The following C10orf71 variants were observed in gnomAD, a reference collection of about 807,000 sequenced individuals.
C10orf71 encodes the protein chromosome 10 open reading frame 71.
For missense variants in C10orf71, 1,869 were observed against 1,804.5 expected, an observed-to-expected ratio of 1.04 and a Z score of -0.65; for synonymous variants, 758 against 726.3, an observed-to-expected ratio of 1.04 and a Z score of -0.70.
chr10:49,323,012 A>G lies in C10orf71; in HGVS notation c.467A>G (p.Gln156Arg). ...LIKSFDRTES[Q>R]RCESRPTASK... ...AAATCTTTCGACAGGACCGAGAGCC[A>G]ACGTTGTGAGAGCAGGCCCACTGCC... Residue 156 changes from glutamine to arginine, a missense_variant, in exon 3 of 3, where the codon CAA becomes CGA. Gln to Arg is a conservative substitution (Grantham distance 43, BLOSUM62 1). Coordinates refer to ENST00000374144, the MANE Select transcript of C10orf71 (RefSeq NM_001135196.2). 1.9e-6 allele frequency: 3 copies of G among 1,614,026 alleles called. No individual in the cohort carries two copies. The highest frequency in any genetic ancestry group is 2.7e-5 in the African/African-American group (2 of 75,040).
At chr10:49,312,619 G>C (rs1040910198) in intron 1 of C10orf71, among the ~76,000 whole-genome samples, 1 of 152,222 alleles carries the variant, frequency 6.6e-6, no homozygotes, top group Non-Finnish European at 1.5e-5. Context: ...CAGTGTGAGA[G>C]ACCAACTGGG....
chr10:49,307,152 A>T (rs1311037630), intron 1 of C10orf71, among the ~76,000 whole-genome samples: 1 of 152,234 alleles, frequency 6.6e-6, no homozygotes, highest in African/African-American at 2.4e-5. Flanking sequence ...TTTACCTGTG[A>T]TGCCAGCATG....
At chr10:49,311,875 T>C (rs914155069) in intron 1 of C10orf71, among the ~76,000 whole-genome samples, 4 of 152,120 alleles carry the variant, frequency 2.6e-5, no homozygotes, top group Non-Finnish European at 4.4e-5. Flanking sequence ...AGGGTCTGCA[T>C]AGGCATTTGT....
chr10:49,323,937 A>G lies in C10orf71; in HGVS notation c.1392A>G (p.Pro464=), dbSNP rs1849156113. The change falls in exon 3 of 3, where the codon CCA becomes CCG. Residue 464 remains proline (P), a synonymous_variant. Transcript: ENST00000374144. ...KHALDSADSQ[P]AERTPSPPGQ... ...CCCTGGATTCAGCAGACAGCCAGCC[A>G]GCAGAGCGAACCCCATCACCCCCAG... 6.2e-7 allele frequency: 1 copy of G among 1,613,684 alleles called. No individual in the cohort carries two copies. Among genetic ancestry groups the G allele is most frequent in the African/African-American group, 1.3e-5 (1 of 74,860 alleles).
Position 49,326,280 on chromosome 10 carries a change from C to T in C10orf71, c.3735C>T (p.His1245=). 6.5e-7 allele frequency: 1 copy of T among 1,550,208 alleles called. No homozygotes were observed. The highest frequency in any genetic ancestry group is 8.7e-7 in the Non-Finnish European group (1 of 1,146,746). ...VRSLPPPVHR[H]SVSGFSEPVG... is the part of the protein sequence containing the mutation. Reference sequence around the variant, plus strand: ...CCCTGCCCCCTCCCGTGCACCGCCACTCCGTGTCCGGCTTCTCGGAGCCTG... The same window carrying T: ...CCCTGCCCCCTCCCGTGCACCGCCATTCCGTGTCCGGCTTCTCGGAGCCTG... The change falls in exon 3 of 3, where the codon CAC becomes CAT. Residue 1245 remains histidine (H), a synonymous_variant. Transcript: ENST00000374144.
chr10:49,327,136 C>A lies in C10orf71; in HGVS notation c.*283C>A. The A allele has an allele frequency of 9.7e-7, 1 of 1,031,794 alleles. No individual in the cohort carries two copies. The highest frequency in any genetic ancestry group is 1.3e-6 in the Non-Finnish European group (1 of 751,660). 63.9% of individuals were successfully genotyped at this position (1,031,794 alleles called of 1,614,324 possible). ...AGGCGCACTCTACTCCAGCCCTTCT[C>A]CCTCCCTCCCTTCCTCCCTCTCCTG... is the stretch of plus-strand genomic sequence containing the variant. On this transcript the variant is annotated 3_prime_UTR_variant, in exon 3 of 3. Coordinates refer to ENST00000374144, the MANE Select transcript of C10orf71 (RefSeq NM_001135196.2).
chr10:49,313,802 G>A (rs1222024540), intron 1 of C10orf71, among the ~76,000 whole-genome samples: 1 of 152,226 alleles, frequency 6.6e-6, no homozygotes, highest in Non-Finnish European at 1.5e-5. Context: ...CATGTGGGTT[G>A]GAAGGGCTGT....
intron 1 of C10orf71, among the ~76,000 whole-genome samples, chr10:49,308,762 A>G (rs1848860797): frequency 6.6e-6 from 1 of 152,258 alleles, no homozygotes; most frequent in African/African-American, 2.4e-5. Flanking sequence ...GGATCAATAC[A>G]TAAATAAGCT....
At chr10:49,313,695 G>GGGA (rs1047214000) in intron 1 of C10orf71, among the ~76,000 whole-genome samples, 9 of 152,104 alleles carry the variant, frequency 5.9e-5, no homozygotes, top group South Asian at 2.1e-4. Context: ...GAAAGGCACT[G>GGGA]GGAGGAGGAG....
At position 49,323,887 on chromosome 10, in the gene C10orf71, AC is replaced by A. The variant is rs771945151; in HGVS notation, c.1347del (p.Ile450SerfsTer26). Reference protein sequence around the residue: ...DPPFNISKLLTPIIPSKHALD... With the variant: ...DPPFNISKLLXPIIPSKHALD... Reference sequence around the variant, plus strand: ...CCCCTTTAACATCAGTAAGCTCCTGACCCCCATCATACCCAGCAAGCACGCC... The same window carrying A: ...CCCCTTTAACATCAGTAAGCTCCTGACCCCATCATACCCAGCAAGCACGCC... On this transcript the variant is annotated frameshift_variant, in exon 3 of 3. Coordinates refer to ENST00000374144, the MANE Select transcript of C10orf71 (RefSeq NM_001135196.2). LOFTEE classifies it low-confidence loss of function (END_TRUNC). The A allele has an allele frequency of 6.2e-7, 1 of 1,612,616 alleles. No individual in the cohort carries two copies. Among genetic ancestry groups the A allele is most frequent in the Non-Finnish European group, 8.5e-7 (1 of 1,179,564 alleles).
At chr10:49,315,276 G>A (rs957597049) in intron 1 of C10orf71, among the ~76,000 whole-genome samples, 1 of 152,172 alleles carries the variant, frequency 6.6e-6, no homozygotes, top group African/African-American at 2.4e-5. Context: ...AGCTGGGAAA[G>A]GTCTTATGGA....
At position 49,310,896 on chromosome 10, in the gene C10orf71, G is replaced by A. The variant is rs556106979; in HGVS notation, c.-247-5249G>A. On this transcript the variant is annotated intron_variant, in intron 1 of 2. Coordinates refer to ENST00000374144, the MANE Select transcript of C10orf71 (RefSeq NM_001135196.2). ...AATGAATAATTTTGTTAGTATGAGT[G>A]TATCCCACATATTGCGTGGGATACA... Among the ~76,000 whole-genome samples, 3 of 152,198 alleles carry A rather than the reference G, an allele frequency of 2.0e-5. No individual in the cohort carries two copies. The South Asian group carries it at 6.2e-4, about 32-fold the overall frequency.
chr10:49,322,833 G>T lies in C10orf71; in HGVS notation c.288G>T (p.Ala96=). 1 of 1,613,910 alleles carries T rather than the reference G, an allele frequency of 6.2e-7. No homozygotes were observed. The highest frequency in any genetic ancestry group is 1.1e-5 in the South Asian group (1 of 91,078). Residue 96 remains alanine (A), a synonymous_variant, in exon 3 of 3, where the codon GCG becomes GCT. Transcript: ENST00000374144. The stretch of plus-strand genomic sequence containing the variant: ...AGGGCACGGAACATTCGGGCTGGGC[G>T]GCCACCTTCCAACAGCTACCCAAGT... The part of the protein sequence containing the change: ...PSQGTEHSGW[A]ATFQQLPKYV...
At chr10:49,304,892 C>T (rs1848787443) in intron 1 of C10orf71, among the ~76,000 whole-genome samples, 1 of 152,260 alleles carries the variant, frequency 6.6e-6, no homozygotes, top group African/African-American at 2.4e-5. Flanking sequence ...TCACCACCCA[C>T]TTCCTGATCC....
At position 49,325,393 on chromosome 10, in the gene C10orf71, T is replaced by C; in HGVS notation, c.2848T>C (p.Ser950Pro). The C allele has an allele frequency of 1.9e-6, 3 of 1,550,824 alleles. No homozygotes were observed. Among genetic ancestry groups the C allele is most frequent in the Non-Finnish European group, 2.6e-6 (3 of 1,146,352 alleles). The change falls in exon 3 of 3, where the codon TCT becomes CCT. Residue 950 changes from serine (S) to proline (P), a missense_variant. Coordinates refer to ENST00000374144, the MANE Select transcript of C10orf71 (RefSeq NM_001135196.2). ...QGSSMARMEA[S>P]QPAPKGNFPS... ...GTCGAGCATGGCCAGGATGGAGGCCTCTCAGCCAGCCCCAAAGGGGAATTT... is the reference window on the plus strand; with the variant it reads ...GTCGAGCATGGCCAGGATGGAGGCCCCTCAGCCAGCCCCAAAGGGGAATTT...
In C10orf71 at chr10:49,324,359, A is replaced by T. The variant is rs369990332; in HGVS notation, c.1814A>T (p.Asn605Ile). ...ATCGCCAAAGCCCCCTTCTATGTCA[A>T]TGGGGAGGCTGCTGAGAGAAGCAGT... ...PTIAKAPFYVNGEAAERSSYE... is the reference protein window; with the variant it reads ...PTIAKAPFYVIGEAAERSSYE... The change falls in exon 3 of 3, where the codon AAT (asparagine) becomes ATT (isoleucine). Residue 605 changes from asparagine to isoleucine, a missense_variant. Physicochemically the swap from Asn to Ile is moderately radical, Grantham distance 149 (BLOSUM62 -3). Transcript: ENST00000374144. The T allele has an allele frequency of 1.2e-6, 2 of 1,613,810 alleles. No homozygotes were observed. The highest frequency in any genetic ancestry group is 1.7e-6 in the Non-Finnish European group (2 of 1,179,820).
rs777952197 is a variant in C10orf71 at position 49,324,873 on chromosome 10, G to C, written c.2328G>C (p.Lys776Asn). 1.2e-5 allele frequency: 19 copies of C among 1,551,748 alleles called. No individual in the cohort carries two copies. The highest frequency in any genetic ancestry group is 1.7e-5 in the Non-Finnish European group (19 of 1,147,020). Reference sequence around the variant, plus strand: ...ATGAGAAGGAGAATGTGATGCGGAAGGATGAGCTGCAGTACTGTGCCTTAA... The same window carrying C: ...ATGAGAAGGAGAATGTGATGCGGAACGATGAGCTGCAGTACTGTGCCTTAA... The part of the protein sequence containing the change: ...QKDEKENVMR[K>N]DELQYCALSN... Residue 776 changes from lysine to asparagine, a missense_variant, in exon 3 of 3, where the codon AAG becomes AAC. By Grantham distance (94) the Lys-to-Asn change is moderately conservative. Transcript: ENST00000374144.
chr10:49,313,392 G>A (rs1848948551), intron 1 of C10orf71, among the ~76,000 whole-genome samples: 1 of 152,228 alleles, frequency 6.6e-6, no homozygotes, highest in Admixed American at 6.5e-5. Flanking sequence ...CCAAGCATGA[G>A]GGGAAAGATG....
chr10:49,321,043 TTTTA>T (rs1333366686), intron 2 of C10orf71, among the ~76,000 whole-genome samples: 3 of 151,980 alleles, frequency 2.0e-5, no homozygotes, highest in African/African-American at 7.3e-5. Flanking sequence ...CTCCCACCGC[TTTTA>T]TTTATTATTT....
Sources: gnomAD v4.1 joint callset for allele counts (sites outside exome capture counted in the v4.1 genomes callset) on GRCh38, gnomAD v4.1.1 for gene constraint, MANE v1.5 for transcripts, NCBI Gene and HGNC (gene_info 2026-07-23, HGNC 2026-07-21) for gene names.